Variants in DET1 observed in about 807,000 individuals in gnomAD.
The protein encoded by DET1 is DET1 partner of COP1 E3 ubiquitin ligase.
DET1 carries 22 observed loss-of-function variants against 43.7 expected under a neutral mutation model. The ratio of observed to expected loss-of-function variants is 0.50; its 90% CI spans 0.36 to 0.72. The LOEUF is 0.72. DET1 is among the 30% of genes least tolerant of loss of function. DET1 has a pLI of 0.00. For synonymous variants in DET1, 315 were observed against 266.2 expected (o/e 1.18, Z -1.79); for missense variants, 713 against 713.3 (o/e 1.00, Z 0.00).
intron 3 of DET1, among the ~76,000 whole-genome samples, chr15:88,523,038 A>G (rs2056544588): frequency 6.6e-6 from 1 of 151,454 alleles, no homozygotes; most frequent in South Asian, 2.1e-4. Context: ...GCATGCCACC[A>G]CACCCAGCTA....
At chr15:88,506,631 A>G (rs1427146862) in intron 7 of DET1, among the ~76,000 whole-genome samples, 2 of 152,236 alleles carry the variant, frequency 1.3e-5, no homozygotes, top group Admixed American at 6.5e-5. Flanking sequence ...AAGGGCTTCT[A>G]CAAAGGAACA....
At chr15:88,533,969 G>T (rs2056884499) in intron 1 of DET1, among the ~76,000 whole-genome samples, 1 of 151,252 alleles carries the variant, frequency 6.6e-6, no homozygotes, top group Admixed American at 6.6e-5. Flanking sequence ...AGCAGGAGGG[G>T]AAAGAGAAGG....
intron 1 of DET1, among the ~76,000 whole-genome samples, chr15:88,545,178 A>G (rs2057217955): frequency 6.6e-6 from 1 of 152,250 alleles, no homozygotes; most frequent in Non-Finnish European, 1.5e-5. Flanking sequence ...TACTAAAAAA[A>G]AAATTGTAAT....
chr15:88,531,834 A>G lies in DET1; in HGVS notation c.-10-119T>C. The G allele has an allele frequency of 2.1e-6, 2 of 964,246 alleles. No homozygotes were observed. Among genetic ancestry groups the G allele is most frequent in the Non-Finnish European group, 3.0e-6 (2 of 670,402 alleles). 59.7% of individuals were successfully genotyped at this position (964,246 alleles called of 1,614,324 possible). A position where few individuals can be genotyped will look rare whatever the true frequency, so the allele number is the denominator to read the frequency against. Reference sequence around the variant, plus strand: ...CCTGAACCTAGGAGCTCCCAAGATGACAGTGACTGGCATTACTACTTCCCA... The same window carrying G: ...CCTGAACCTAGGAGCTCCCAAGATGGCAGTGACTGGCATTACTACTTCCCA... On this transcript the variant is annotated intron_variant, in intron 1 of 4. Transcript: ENST00000268148. The surrounding 1 kb of genome is among the most constrained non-coding windows in gnomAD (Gnocchi z 6.2).
chr15:88,511,592 G>A (rs2056201789), downstream of DET1: 3 of 985,284 alleles, frequency 3.0e-6, no homozygotes, highest in Non-Finnish European at 3.6e-6. Flanking sequence ...TGTCCCTAGA[G>A]AGACACAATG....
At chr15:88,510,164 GGTA>G (rs1369749878), downstream of DET1, among the ~76,000 whole-genome samples, 1 of 152,200 alleles carries the variant, frequency 6.6e-6, no homozygotes, top group Non-Finnish European at 1.5e-5. Flanking sequence ...AAGGCTAAAA[GGTA>G]GTGGTCAGAG....
At chr15:88,501,962 C>G (rs1280975228) in intron 8 of DET1, 7 of 152,162 alleles carry the variant, frequency 4.6e-5, no homozygotes, top group Admixed American at 4.6e-4. Context: ...TTTGGGGTAG[C>G]AGTGGTTTTG....
chr15:88,513,839 G>T (rs866977411), intron 4 of DET1, among the ~76,000 whole-genome samples: 3 of 115,108 alleles, frequency 2.6e-5, no homozygotes, highest in East Asian at 5.4e-4. Context: ...TCGCTCTGTC[G>T]CCCAGGCTGG....
At chr15:88,510,659 C>A (rs1485493457), downstream of DET1, among the ~76,000 whole-genome samples, 1 of 152,094 alleles carries the variant, frequency 6.6e-6, no homozygotes, top group Admixed American at 6.5e-5. Context: ...CCCAGGTAAA[C>A]CCGTCATCAG....
chr15:88,534,376 T>C (rs941508178), intron 1 of DET1, among the ~76,000 whole-genome samples: 3 of 152,116 alleles, frequency 2.0e-5, no homozygotes, highest in African/African-American at 4.8e-5. Flanking sequence ...GAAAAACCAA[T>C]TGGCTAACAA....
At chr15:88,537,605 G>A (rs939176658) in intron 1 of DET1, among the ~76,000 whole-genome samples, 1 of 152,218 alleles carries the variant, frequency 6.6e-6, no homozygotes, top group African/African-American at 2.4e-5. Context: ...CAGCTGAGAT[G>A]AAGATCTTAC....
downstream of DET1, among the ~76,000 whole-genome samples, chr15:88,510,771 GTTTTTTTTT>G (rs72302105): frequency 7.5e-6 from 1 of 132,968 alleles, no homozygotes; most frequent in Non-Finnish European, 1.6e-5. Context: ...TTTTTTTTTT[GTTTTTTTTT>G]TTTTGAGACA....
intron 3 of DET1, among the ~76,000 whole-genome samples, chr15:88,518,766 T>C (rs1030960896): frequency 6.6e-6 from 1 of 152,196 alleles, no homozygotes; most frequent in African/African-American, 2.4e-5. Context: ...AAAACTTCAG[T>C]GTTCCTAACT....
chr15:88,537,906 TAC>T, intron 1 of DET1, among the ~76,000 whole-genome samples: 1 of 152,212 alleles, frequency 6.6e-6, no homozygotes, highest in Non-Finnish European at 1.5e-5. Flanking sequence ...CCGTTATTAT[TAC>T]ATTTTGTCTT....
downstream of DET1, among the ~76,000 whole-genome samples, chr15:88,508,993 G>C (rs2056170453): frequency 6.6e-6 from 1 of 152,186 alleles, no homozygotes; most frequent in Non-Finnish European, 1.5e-5. Context: ...GACAGGTAGA[G>C]GGGCTTGCCT....
chr15:88,536,723 A>G (rs552156381), intron 1 of DET1, among the ~76,000 whole-genome samples: 2 of 144,120 alleles, frequency 1.4e-5, no homozygotes, highest in East Asian at 4.3e-4. Flanking sequence ...GTGAGTCAAG[A>G]TTGTACCACT....
At chr15:88,536,405 C>T (rs2056951740) in intron 1 of DET1, 6 of 729,636 alleles carry the variant, frequency 8.2e-6, no homozygotes, top group Non-Finnish European at 1.0e-5. Flanking sequence ...CAGTTAAGCG[C>T]TCATAAATAT....
Position 88,531,223 on chromosome 15 carries a change from G to T in DET1, c.483C>A (p.Tyr161Ter). Residue 161 changes from tyrosine to a stop codon, truncating the protein, a stop_gained, in exon 2 of 5, where the codon TAC becomes TAA. Transcript: ENST00000268148. LOFTEE classifies it high-confidence loss of function. The surrounding 1 kb of genome is among the most constrained non-coding windows in gnomAD (Gnocchi z 6.2). The stretch of plus-strand genomic sequence containing the variant: ...ATGGAGGGTGAGGCTCATCTGGGAG[G>T]TAGGCAGCTGAGCCCACGATGACAC... ...CRCVIVGSAA[Y>*]LPDEPHPPFF... is the part of the protein sequence containing the mutation. 6.2e-7 allele frequency: 1 copy of T among 1,613,954 alleles called. No homozygotes were observed. The highest frequency in any genetic ancestry group is 8.5e-7 in the Non-Finnish European group (1 of 1,179,886).
intron 3 of DET1, among the ~76,000 whole-genome samples, chr15:88,523,114 G>T (rs977576134): frequency 1.3e-5 from 2 of 151,832 alleles, no homozygotes; most frequent in East Asian, 1.9e-4. Context: ...GAGCTCAAGC[G>T]ATCAGTCCAC....
Sources: gnomAD v4.1 joint callset for allele counts (sites outside exome capture counted in the v4.1 genomes callset) on GRCh38, gnomAD v4.1.1 for gene constraint, Gnocchi (gnomAD v3.1) non-coding constraint, MANE v1.5 for transcripts, NCBI Gene and HGNC (gene_info 2026-07-23, HGNC 2026-07-21) for gene names.